The following HTR1F variants were observed in gnomAD, a reference collection of about 807,000 sequenced individuals.
HTR1F encodes 5-hydroxytryptamine (serotonin) receptor 1F, G protein-coupled.
HTR1F carries 17 observed loss-of-function variants against 24.0 expected under a neutral mutation model. The ratio of observed to expected loss-of-function variants is 0.71; its 90% CI spans 0.48 to 1.06. HTR1F has a LOEUF of 1.06. Among genes scored for constraint, HTR1F ranks in the 50% least tolerant of loss-of-function variants. The probability of loss-of-function intolerance (pLI) is 0.00; values close to 1 mark genes in which losing one functional copy is unlikely to be tolerated. For missense variants in HTR1F, 391 were observed against 427.8 expected, an observed-to-expected ratio of 0.91 and a Z score of 0.76; for synonymous variants, 186 against 156.8, an observed-to-expected ratio of 1.19 and a Z score of -1.39.
intron 2 of HTR1F, among the ~76,000 whole-genome samples, chr3:87,902,404 A>G (rs181475313): frequency 1.3e-5 from 2 of 152,092 alleles, no homozygotes; most frequent in East Asian, 1.9e-4. Context: ...CAGCATGGGG[A>G]AAAAAAGTCA....
At chr3:87,904,071 C>A (rs528425695) in intron 2 of HTR1F, among the ~76,000 whole-genome samples, 1 of 151,878 alleles carries the variant, frequency 6.6e-6, no homozygotes, top group South Asian at 2.1e-4. Flanking sequence ...AGACTTGAAC[C>A]AATAATTCAC....
chr3:87,896,901 C>T (rs183935632), intron 2 of HTR1F, among the ~76,000 whole-genome samples: 1 of 152,062 alleles, frequency 6.6e-6, no homozygotes, highest in Admixed American at 6.6e-5. Flanking sequence ...ATCAAAAAGA[C>T]AAGAGATACA....
chr3:87,883,945 C>T (rs1469971669), intron 2 of HTR1F, among the ~76,000 whole-genome samples: 1 of 152,100 alleles, frequency 6.6e-6, no homozygotes, highest in African/African-American at 2.4e-5. Context: ...GGAGAACTTC[C>T]CCAACCTAGC....
chr3:87,943,256 T>A (rs1392380794), intron 2 of HTR1F, among the ~76,000 whole-genome samples: 1 of 152,182 alleles, frequency 6.6e-6, no homozygotes, highest in East Asian at 1.9e-4. Context: ...CAGGCTGCAG[T>A]TATGGCGACA....
At chr3:87,868,327 A>T (rs1705471773) in intron 2 of HTR1F, among the ~76,000 whole-genome samples, 1 of 151,878 alleles carries the variant, frequency 6.6e-6, no homozygotes, top group Non-Finnish European at 1.5e-5. Context: ...AGATTATGTG[A>T]TTTTTTTCTC....
intron 2 of HTR1F, among the ~76,000 whole-genome samples, chr3:87,940,760 T>C (rs1294361510): frequency 6.6e-6 from 1 of 152,232 alleles, no homozygotes; most frequent in African/African-American, 2.4e-5. Flanking sequence ...AGCATGGTAC[T>C]GGTACCACAA....
intron 2 of HTR1F, among the ~76,000 whole-genome samples, chr3:87,825,382 C>G (rs1704442175): frequency 6.6e-6 from 1 of 152,064 alleles, no homozygotes; most frequent in African/African-American, 2.4e-5. Context: ...TTGTAAAATC[C>G]CTGACTTCTC....
chr3:87,856,468 G>A (rs1705201839), intron 2 of HTR1F, among the ~76,000 whole-genome samples: 1 of 152,126 alleles, frequency 6.6e-6, no homozygotes, highest in Non-Finnish European at 1.5e-5. Flanking sequence ...AAAAAATGAG[G>A]AATGTAGAAG....
At chr3:87,796,517 G>A (rs1333013253) in intron 1 of HTR1F, among the ~76,000 whole-genome samples, 2 of 152,136 alleles carry the variant, frequency 1.3e-5, no homozygotes, top group Non-Finnish European at 2.9e-5. Flanking sequence ...GTATTTAAAG[G>A]ATCAAGCTGA....
intron 2 of HTR1F, among the ~76,000 whole-genome samples, chr3:87,970,602 G>A (rs780896316): frequency 6.6e-6 from 1 of 152,092 alleles, no homozygotes; most frequent in Non-Finnish European, 1.5e-5. Flanking sequence ...GTGTACTAAG[G>A]GCAGAATTTC....
chr3:87,875,205 C>G (rs547566859), intron 2 of HTR1F, among the ~76,000 whole-genome samples: 1 of 152,200 alleles, frequency 6.6e-6, no homozygotes, highest in East Asian at 1.9e-4. Flanking sequence ...AGTCCCAGCG[C>G]TTTGGGAGGC....
At position 87,823,390 on chromosome 3, in the gene HTR1F, A is replaced by C. The variant is rs542168111; in HGVS notation, c.-43+1266A>C. Among the ~76,000 whole-genome samples the C allele has an allele frequency of 4.6e-5, 7 of 152,322 alleles. No individual in the cohort carries two copies. In the East Asian group the frequency reaches 1.3e-3, roughly 29 times the overall value. ...GATTCAAGATGCTCTTGCCCCTGCA[A>C]AGTCTACTTCGTAGTTCATCTTCCT... On this transcript the variant is annotated intron_variant, in intron 2 of 2. Coordinates refer to ENST00000319595, the MANE Select transcript of HTR1F (RefSeq NM_001322209.2).
rs1576051522 is a variant in HTR1F at position 87,933,077 on chromosome 3, A to G, written c.-42-57631A>G. Among the ~76,000 whole-genome samples the G allele has an allele frequency of 1.3e-5, 2 of 151,196 alleles. 1 individual carries two copies. Among genetic ancestry groups the G allele is most frequent in the East Asian group, 3.9e-4 (2 of 5,146 alleles). ...TGCAAATCAATAAATGTAATCCAGC[A>G]TATAAACAGAACCAAAGACAAAAAC... On this transcript the variant is annotated intron_variant, in intron 2 of 2. Transcript: ENST00000319595.
chr3:87,809,200 T>C (rs1704121366), intron 1 of HTR1F, among the ~76,000 whole-genome samples: 1 of 151,796 alleles, frequency 6.6e-6, no homozygotes, highest in Non-Finnish European at 1.5e-5. Flanking sequence ...ATAGAAAATA[T>C]TTTGAATCTA....
intron 1 of HTR1F, among the ~76,000 whole-genome samples, chr3:87,812,657 A>T (rs913535678): frequency 1.3e-5 from 2 of 152,194 alleles, no homozygotes; most frequent in Admixed American, 1.3e-4. Flanking sequence ...AAATATCTCC[A>T]TGTCAGAGAT....
chr3:87,940,071 T>C (rs1576064283), intron 2 of HTR1F, among the ~76,000 whole-genome samples: 1 of 152,220 alleles, frequency 6.6e-6, no homozygotes, highest in East Asian at 1.9e-4. Context: ...GTGTCTTTGT[T>C]CTCATTGGTT....
At chr3:87,940,412 A>T (rs1173385198) in intron 2 of HTR1F, among the ~76,000 whole-genome samples, 1 of 152,218 alleles carries the variant, frequency 6.6e-6, no homozygotes, top group South Asian at 2.1e-4. Flanking sequence ...TGCTAAAAAG[A>T]GAATAAAATA....
chr3:87,985,296 A>G (rs1213322144), intron 2 of HTR1F, among the ~76,000 whole-genome samples: 6 of 151,798 alleles, frequency 4.0e-5, no homozygotes, highest in South Asian at 2.1e-4. Flanking sequence ...AGATCACGCC[A>G]TTGTATTCCA....
At chr3:87,930,185 C>T (rs1469792761) in intron 2 of HTR1F, among the ~76,000 whole-genome samples, 3 of 152,134 alleles carry the variant, frequency 2.0e-5, no homozygotes, top group Non-Finnish European at 4.4e-5. Flanking sequence ...AGCTTTTGGG[C>T]TTGGACTATG....
Sources: allele counts gnomAD v4.1 joint callset (sites outside exome capture counted in the v4.1 genomes callset), GRCh38; gene constraint gnomAD v4.1.1; transcripts MANE v1.5; gene names NCBI Gene and HGNC (gene_info 2026-07-23, HGNC 2026-07-21).